Variants in SLCO5A1 observed in about 807,000 individuals in gnomAD.
The protein encoded by SLCO5A1 is solute carrier organic anion transporter family member 5A1, also known as organic anion transporter polypeptide-related protein 4.
Under a neutral mutation model 65.1 loss-of-function variants are expected in SLCO5A1, and 39 were observed. That is an observed-to-expected ratio of 0.60 (90% confidence interval 0.46 to 0.78). The LOEUF is 0.78. Ranked by LOEUF, SLCO5A1 falls within the 30% of genes least tolerant of loss-of-function variation. SLCO5A1 has a pLI of 0.00. For missense variants in SLCO5A1, 1,029 were observed against 1,069.4 expected, an observed-to-expected ratio of 0.96 and a Z score of 0.53; for synonymous variants, 438 against 415.7, an observed-to-expected ratio of 1.05 and a Z score of -0.65.
chr8:69,713,033 A>T (rs1431201370), intron 5 of SLCO5A1, among the ~76,000 whole-genome samples: 1 of 152,212 alleles, frequency 6.6e-6, no homozygotes, highest in African/African-American at 2.4e-5. Flanking sequence ...ACTTTTACCA[A>T]GATTCTGAAT....
intron 2 of SLCO5A1, among the ~76,000 whole-genome samples, chr8:69,823,136 A>AT (rs1443183899): frequency 6.6e-6 from 1 of 152,116 alleles, no homozygotes; most frequent in African/African-American, 2.4e-5. Flanking sequence ...AAAGGATCAC[A>AT]TTTTCTCTCT....
intron 4 of SLCO5A1, among the ~76,000 whole-genome samples, chr8:69,753,566 T>C (rs1332742528): frequency 6.6e-6 from 1 of 152,242 alleles, no homozygotes; most frequent in East Asian, 1.9e-4. Context: ...TGGTATTTGA[T>C]ATCAATCTTC....
chr8:69,685,522 G>A (rs1813966213), intron 6 of SLCO5A1, among the ~76,000 whole-genome samples: 1 of 152,216 alleles, frequency 6.6e-6, no homozygotes, highest in Non-Finnish European at 1.5e-5. Context: ...AGAGAATCGT[G>A]TTAACTCAAG....
chr8:69,762,118 T>TTTCC (rs1817805914), intron 2 of SLCO5A1, among the ~76,000 whole-genome samples: 1 of 104,614 alleles, frequency 9.6e-6, no homozygotes, highest in Admixed American at 1.0e-4. Context: ...TTTTGTTTTG[T>TTTCC]TTTCTTTCTT....
intron 7 of SLCO5A1, among the ~76,000 whole-genome samples, chr8:69,679,888 C>T (rs1433884974): frequency 6.6e-6 from 1 of 152,184 alleles, no homozygotes; most frequent in Non-Finnish European, 1.5e-5. Flanking sequence ...GTTCTGCAGG[C>T]TCATTTTTGT....
At chr8:69,752,295 A>C (rs1313706381) in intron 4 of SLCO5A1, among the ~76,000 whole-genome samples, 1 of 152,192 alleles carries the variant, frequency 6.6e-6, no homozygotes, top group East Asian at 1.9e-4. Context: ...TCCAGAAAAT[A>C]GAAGGGAAAA....
intron 2 of SLCO5A1, among the ~76,000 whole-genome samples, chr8:69,809,718 C>T (rs1351763301): frequency 2.7e-5 from 4 of 150,438 alleles, no homozygotes; most frequent in South Asian, 4.2e-4. Flanking sequence ...ATACAGCTAC[C>T]GATCTAAGGA....
Position 69,748,164 on chromosome 8 carries a change from C to T in SLCO5A1, c.1258+7260G>A, listed in dbSNP as rs548765326. On this transcript the variant is annotated intron_variant, in intron 4 of 9. Transcript: ENST00000260126. ...AGATGACACTAGCACGCCACAGTCA[C>T]CTGGCAGCTTAGCACATTGAGCCTG... Among the ~76,000 whole-genome samples the T allele has an allele frequency of 3.9e-4, 60 of 152,296 alleles. 1 individual carries two copies. Among genetic ancestry groups the T allele is most frequent in the Admixed American group, 5.2e-4 (8 of 15,286 alleles).
intron 2 of SLCO5A1, among the ~76,000 whole-genome samples, chr8:69,800,203 AAG>A (rs1819673113): frequency 6.6e-6 from 1 of 150,764 alleles, no homozygotes; most frequent in Non-Finnish European, 1.5e-5. Context: ...TGATTCGGAA[AAG>A]CCTTGGTATT....
chr8:69,766,716 C>T (rs1027066529), intron 2 of SLCO5A1, among the ~76,000 whole-genome samples: 3 of 152,148 alleles, frequency 2.0e-5, no homozygotes, highest in African/African-American at 7.2e-5. Context: ...TATTTTTCTC[C>T]TAGTATATAT....
At chr8:69,825,561 C>G (rs1387381856) in intron 2 of SLCO5A1, among the ~76,000 whole-genome samples, 1 of 152,106 alleles carries the variant, frequency 6.6e-6, no homozygotes, top group African/African-American at 2.4e-5. Context: ...ACCTAGGAAT[C>G]CAACTTACAA....
chr8:69,817,589 A>T (rs917070922), intron 2 of SLCO5A1, among the ~76,000 whole-genome samples: 1 of 152,122 alleles, frequency 6.6e-6, no homozygotes. Context: ...AAATCCTTTC[A>T]TCCTTTGGAA....
chr8:69,673,428 GA>G (rs1311680497), intron 9 of SLCO5A1, 102 bp from the exon 10 acceptor site: 1 of 945,024 alleles, frequency 1.1e-6, no homozygotes. Flanking sequence ...AAAACCAGTT[GA>G]GGGGAGGGAT....
intron 3 of SLCO5A1, among the ~76,000 whole-genome samples, chr8:69,758,270 TTGACCTCCCGAGCTCAA>T (rs969019516): frequency 6.6e-6 from 1 of 152,156 alleles, no homozygotes; most frequent in Non-Finnish European, 1.5e-5. Flanking sequence ...AACTGCAGCC[TTGACCTCCCGAGCTCAA>T]GTGATCCTCC....
Position 69,673,014 on chromosome 8 carries a change from T to A in SLCO5A1, c.2402A>T (p.Gln801Leu), listed in dbSNP as rs184362810. Residue 801 changes from glutamine (Q) to leucine (L), a missense_variant, in exon 10 of 10, where the codon CAG becomes CTG. Coordinates refer to ENST00000260126, the MANE Select transcript of SLCO5A1 (RefSeq NM_030958.3). ...RTRSCPAFST[Q>L]GEFHEETGLQ... ...GCCAGTCTCTTCGTGGAATTCTCCC[T>A]GGGTGCTGAAAGCTGGGCAAGATCT... is the stretch of plus-strand genomic sequence containing the variant. 1 of 1,614,208 alleles carries A rather than the reference T, an allele frequency of 6.2e-7. No homozygotes were observed. Among genetic ancestry groups the A allele is most frequent in the Non-Finnish European group, 8.5e-7 (1 of 1,180,038 alleles).
chr8:69,804,368 C>CAGTG (rs1819896511), intron 2 of SLCO5A1, among the ~76,000 whole-genome samples: 2 of 152,144 alleles, frequency 1.3e-5, no homozygotes, highest in African/African-American at 4.8e-5. Flanking sequence ...GGCTGTAGTA[C>CAGTG]AGTGGCACAA....
intron 2 of SLCO5A1, among the ~76,000 whole-genome samples, chr8:69,825,595 G>C (rs1343987225): frequency 6.6e-6 from 1 of 152,136 alleles, no homozygotes; most frequent in Non-Finnish European, 1.5e-5. Flanking sequence ...CCTCTTCAAG[G>C]AGAACTACAA....
chr8:69,822,913 G>T (rs1204220543), intron 2 of SLCO5A1, among the ~76,000 whole-genome samples: 3 of 152,156 alleles, frequency 2.0e-5, no homozygotes, highest in African/African-American at 4.8e-5. Context: ...GTGAAGTCAG[G>T]GCTGGCAATT....
At chr8:69,784,702 C>A (rs374428534) in intron 2 of SLCO5A1, among the ~76,000 whole-genome samples, 98 of 150,918 alleles carry the variant, frequency 6.5e-4, no homozygotes, top group African/African-American at 2.3e-3. Flanking sequence ...ACAGGAGAAT[C>A]GCTGGAAACT....
Sources: gnomAD v4.1 joint callset for allele counts (sites outside exome capture counted in the v4.1 genomes callset) on GRCh38, gnomAD v4.1.1 for gene constraint, MANE v1.5 for transcripts, NCBI Gene and HGNC (gene_info 2026-07-23, HGNC 2026-07-21) for gene names.